RIMS2: variants seen among roughly 807,000 people sequenced by gnomAD.
RIMS2 encodes the protein regulating synaptic membrane exocytosis protein 2.
In RIMS2, 59 loss-of-function variants were observed where a neutral mutation model predicts 174.4. The observed-to-expected ratio is 0.34, with a 90% CI of 0.27 to 0.42. The LOEUF (loss-of-function observed/expected upper bound fraction) is 0.42. Among genes scored for constraint, RIMS2 ranks in the 10% least tolerant of loss-of-function variants. RIMS2 has a pLI of 1.00. For missense variants in RIMS2, 1,620 were observed against 1,666.3 expected, an observed-to-expected ratio of 0.97 and a Z score of 0.48; for synonymous variants, 606 against 572.5, an observed-to-expected ratio of 1.06 and a Z score of -0.84.
At chr8:103,786,706 T>A (rs2098446948) in intron 3 of RIMS2, among the ~76,000 whole-genome samples, 2 of 152,256 alleles carry the variant, frequency 1.3e-5, no homozygotes, top group Non-Finnish European at 2.9e-5. Context: ...TTGTCAGTTT[T>A]GGAATAGCTG....
intron 1 of RIMS2, among the ~76,000 whole-genome samples, chr8:103,683,526 C>T (rs1378451043): frequency 6.6e-6 from 1 of 152,188 alleles, no homozygotes; most frequent in Non-Finnish European, 1.5e-5. Flanking sequence ...TTGGCAGGGA[C>T]GTTCAAACCA....
intron 3 of RIMS2, among the ~76,000 whole-genome samples, chr8:103,833,353 GATTT>G (rs2098837670): frequency 6.6e-6 from 1 of 151,876 alleles, no homozygotes; most frequent in Admixed American, 6.6e-5. Context: ...GTTTTTATTG[GATTT>G]ATTTTGCTTG....
rs2099352651 is a variant in RIMS2, at chr8:104,249,693, TA to T, written c.3691+107del. ...CTTTGATTTAGTTAATCAAGATTAC[TA>T]ATGGATGGTCCATTATGACTGGTCT... On this transcript the variant is annotated intron_variant, in intron 22 of 23. Coordinates refer to ENST00000504942, the Ensembl canonical transcript of RIMS2. 7 of 658,524 alleles carry T rather than the reference TA, an allele frequency of 1.1e-5. No individual in the cohort carries two copies. The South Asian group carries it at 1.1e-4, about 10-fold the overall frequency. The allele number at this position is 658,524 out of a possible 1,614,324, so 40.8% of individuals were successfully genotyped here. A position where few individuals can be genotyped will look rare whatever the true frequency, so the allele number is the denominator to read the frequency against.
At chr8:104,168,031 A>G (rs562796823) in intron 19 of RIMS2, among the ~76,000 whole-genome samples, 2 of 152,062 alleles carry the variant, frequency 1.3e-5, no homozygotes, top group Non-Finnish European at 1.5e-5. Context: ...TTAGGTGCCT[A>G]TTTTTATGCC....
chr8:104,115,844 T>C (rs1443062632), intron 19 of RIMS2, among the ~76,000 whole-genome samples: 4 of 152,190 alleles, frequency 2.6e-5, no homozygotes, highest in Non-Finnish European at 4.4e-5. Context: ...CATGCAGCAG[T>C]ATTGACAGAT....
chr8:103,658,089 G>C (rs1293993099), intron 1 of RIMS2, among the ~76,000 whole-genome samples: 1 of 152,180 alleles, frequency 6.6e-6, no homozygotes, highest in East Asian at 1.9e-4. Context: ...AAGACTGAAG[G>C]TTAGGTTATA....
rs192206331 is a variant in RIMS2 at position 103,791,349 on chromosome 8, C to A, written c.698+24812C>A. On this transcript the variant is annotated intron_variant, in intron 3 of 23. Transcript: ENST00000504942. ...CTTTTTAAGTGAATCAGAAATAAAT[C>A]CTTTACAGACAAGCAAATGCTGAGA... Among the ~76,000 whole-genome samples, 20 of 151,924 alleles carry A rather than the reference C, an allele frequency of 1.3e-4. No homozygotes were observed. In the East Asian group the frequency reaches 3.7e-3, roughly 28 times the overall value.
At chr8:103,775,748 T>C (rs1420969867) in intron 3 of RIMS2, among the ~76,000 whole-genome samples, 3 of 152,314 alleles carry the variant, frequency 2.0e-5, no homozygotes, top group East Asian at 3.9e-4. Context: ...GAATATGATA[T>C]GAGCTCTGAA....
At chr8:103,752,165 A>G (rs2097901571) in intron 2 of RIMS2, among the ~76,000 whole-genome samples, 3 of 152,318 alleles carry the variant, frequency 2.0e-5, no homozygotes, top group African/African-American at 7.2e-5. Context: ...AGCTTTTTAC[A>G]TATGGCTAGC....
chr8:104,034,619 G>A (rs1352090732), intron 19 of RIMS2, among the ~76,000 whole-genome samples: 11 of 151,560 alleles, frequency 7.3e-5, no homozygotes, highest in Admixed American at 5.3e-4. Flanking sequence ...ATAGGCACCC[G>A]CCACCACGCC....
At chr8:103,506,146 A>G (rs1223558882) in intron 1 of RIMS2, among the ~76,000 whole-genome samples, 1 of 152,140 alleles carries the variant, frequency 6.6e-6, no homozygotes, top group Admixed American at 6.5e-5. Flanking sequence ...GAAAAACTAT[A>G]GTTTTTAAGG....
intron 1 of RIMS2, among the ~76,000 whole-genome samples, chr8:103,668,246 A>G (rs143001062): frequency 1.3e-5 from 2 of 152,196 alleles, no homozygotes; most frequent in Non-Finnish European, 2.9e-5. Flanking sequence ...TGATTCAATT[A>G]GTTTTGCTTA....
At chr8:103,914,643 A>G (rs762239227) in intron 6 of RIMS2, among the ~76,000 whole-genome samples, 10 of 152,318 alleles carry the variant, frequency 6.6e-5, no homozygotes, top group African/African-American at 9.6e-5. Flanking sequence ...AAGTCACTGT[A>G]ATTATGGAAA....
intron 3 of RIMS2, among the ~76,000 whole-genome samples, chr8:103,801,383 T>C (rs977333112): frequency 6.6e-6 from 1 of 152,230 alleles, no homozygotes; most frequent in Admixed American, 6.5e-5. Context: ...ATTTTTACAG[T>C]CTAGTAAATA....
chr8:103,764,102 G>C (rs1320027150), intron 2 of RIMS2, among the ~76,000 whole-genome samples: 1 of 152,110 alleles, frequency 6.6e-6, no homozygotes, highest in African/African-American at 2.4e-5. Flanking sequence ...ATTCTCCCAG[G>C]GATATTCTTT....
At chr8:103,604,715 A>G (rs966696499) in intron 1 of RIMS2, among the ~76,000 whole-genome samples, 1 of 135,958 alleles carries the variant, frequency 7.4e-6, no homozygotes, top group Non-Finnish European at 1.6e-5. Flanking sequence ...GGTCCTTCAC[A>G]TCCCTTGTAA....
At chr8:103,777,787 T>A (rs35888047) in intron 3 of RIMS2, among the ~76,000 whole-genome samples, 17,600 of 151,984 alleles carry the variant, frequency 0.12, 1,345 homozygotes, top group Non-Finnish European at 0.17. Context: ...TGATCTGACA[T>A]TGGTTATCAA....
intron 2 of RIMS2, among the ~76,000 whole-genome samples, chr8:103,765,515 G>C (rs944449208): frequency 6.6e-6 from 1 of 152,036 alleles, no homozygotes; most frequent in Non-Finnish European, 1.5e-5. Flanking sequence ...CAAATTTTAT[G>C]TTGTGTCTTT....
chr8:103,936,429 T>A (rs933874677), intron 12 of RIMS2, 122 bp from the exon 15 acceptor site: 2 of 573,016 alleles, frequency 3.5e-6, no homozygotes, highest in African/African-American at 3.8e-5. Flanking sequence ...ACATTTGCAA[T>A]GTATGATAAT....
Sources: allele counts gnomAD v4.1 joint callset (sites outside exome capture counted in the v4.1 genomes callset), GRCh38; gene constraint gnomAD v4.1.1; transcripts MANE v1.5; gene names NCBI Gene and HGNC (gene_info 2026-07-23, HGNC 2026-07-21).